The following NUMA1 variants were observed in gnomAD, a reference collection of about 807,000 sequenced individuals.
NUMA1 encodes nuclear mitotic apparatus protein 1.
A neutral mutation model predicts 237.1 loss-of-function variants in NUMA1; 62 were observed. That is an observed-to-expected ratio of 0.26 (90% confidence interval 0.21 to 0.32). The LOEUF (loss-of-function observed/expected upper bound fraction) is 0.32, where lower values mean the gene tolerates loss of function less well. NUMA1 is among the 10% of genes least tolerant of loss of function. The pLI is 1.00. For synonymous variants in NUMA1, 1,028 were observed against 1,066.1 expected, an observed-to-expected ratio of 0.96 and a Z score of 0.70; for missense variants, 2,533 against 2,666.5, an observed-to-expected ratio of 0.95 and a Z score of 1.10.
intron 2 of NUMA1, among the ~76,000 whole-genome samples, chr11:72,045,368 T>C (rs919340557): frequency 2.0e-5 from 3 of 152,192 alleles, no homozygotes; most frequent in Admixed American, 2.0e-4. Context: ...TAGCAATCAC[T>C]ATTAGTAGAA....
chr11:72,066,516 TC>T (rs1591076472), intron 2 of NUMA1: 1 of 152,290 alleles, frequency 6.6e-6, no homozygotes, highest in East Asian at 1.9e-4. Context: ...AGGCACATTT[TC>T]CCCATACATG....
intron 2 of NUMA1, among the ~76,000 whole-genome samples, chr11:72,043,458 G>T (rs762448523): frequency 6.7e-6 from 1 of 148,288 alleles, no homozygotes; most frequent in Non-Finnish European, 1.5e-5. Flanking sequence ...AAACTTCTGG[G>T]ATCAAGTGAT....
intron 2 of NUMA1, among the ~76,000 whole-genome samples, chr11:72,040,262 AC>A (rs1284247854): frequency 1.3e-5 from 2 of 152,140 alleles, no homozygotes; most frequent in Non-Finnish European, 2.9e-5. Flanking sequence ...CTGGAGAGGA[AC>A]AAGGGAGGGA....
intron 1 of NUMA1, among the ~76,000 whole-genome samples, chr11:72,071,263 C>A (rs1351341641): frequency 6.6e-6 from 1 of 151,436 alleles, no homozygotes; most frequent in Non-Finnish European, 1.5e-5. Flanking sequence ...ATAGATTAGA[C>A]AACACAAATA....
intron 1 of NUMA1, chr11:72,072,420 C>T (rs1173619537): frequency 6.5e-6 from 1 of 154,348 alleles, no homozygotes; most frequent in Non-Finnish European, 1.5e-5. Flanking sequence ...CCAGATAAAC[C>T]AGTCCTCAGC....
intron 20 of NUMA1, chr11:72,008,247 C>A: frequency 2.5e-6 from 1 of 394,232 alleles, no homozygotes; most frequent in South Asian, 2.0e-5. Context: ...GCAAATTAAC[C>A]ATGTACTCTT....
At chr11:72,021,130 T>C in intron 8 of NUMA1, 74 bp downstream of exon 8, 1 of 1,239,330 alleles carries the variant, frequency 8.1e-7, no homozygotes, top group Non-Finnish European at 1.2e-6. Context: ...ACCCCCACCA[T>C]ACTTGACAAC....
intron 4 of NUMA1, among the ~76,000 whole-genome samples, chr11:72,025,292 T>C (rs890058901): frequency 3.3e-5 from 5 of 151,574 alleles, no homozygotes; most frequent in Admixed American, 2.0e-4. Context: ...CAGGGGGAGC[T>C]CTCACACAGC....
At position 72,017,790 on chromosome 11, in the gene NUMA1, T is replaced by C; in HGVS notation, c.1016A>G (p.Asp339Gly). ...CTCCTCCGTCAGCTCATTGAGGGCA[T>C]CCTGTAGCTGCTGCAGATGACTGGC... ...EFASHLQQLQ[D>G]ALNELTEEHS... Residue 339 changes from aspartate to glycine, a missense_variant, in exon 13 of 27, where the codon GAT (aspartate) becomes GGT (glycine). Physicochemically the swap from Asp to Gly is moderately conservative, Grantham distance 94. Coordinates refer to ENST00000393695, the MANE Select transcript of NUMA1 (RefSeq NM_006185.4). 1.2e-6 allele frequency: 2 copies of C among 1,610,242 alleles called. No individual in the cohort carries two copies. The highest frequency in any genetic ancestry group is 1.1e-5 in the South Asian group (1 of 91,048).
At chr11:72,060,037 C>A (rs1942857647) in intron 2 of NUMA1, among the ~76,000 whole-genome samples, 1 of 152,120 alleles carries the variant, frequency 6.6e-6, no homozygotes. Context: ...TGATTTTAAA[C>A]ATGAGGGTTC....
At chr11:72,045,297 C>T (rs1941934587) in intron 2 of NUMA1, among the ~76,000 whole-genome samples, 1 of 151,938 alleles carries the variant, frequency 6.6e-6, no homozygotes, top group African/African-American at 2.4e-5. Context: ...GGCTCCCCAT[C>T]ACCTGCTGCT....
At chr11:72,021,882 G>A (rs1302076605) in intron 7 of NUMA1, among the ~76,000 whole-genome samples, 1 of 152,134 alleles carries the variant, frequency 6.6e-6, no homozygotes, top group Admixed American at 6.5e-5. Context: ...CCAAAGTGCT[G>A]GGACTATAGG....
Position 72,007,247 on chromosome 11 carries a change from C to G in NUMA1, c.5405G>C (p.Arg1802Pro). 2 of 1,612,726 alleles carry G rather than the reference C, an allele frequency of 1.2e-6. No individual in the cohort carries two copies. Among genetic ancestry groups the G allele is most frequent in the Non-Finnish European group, 1.7e-6 (2 of 1,179,750 alleles). ...GCGCCGACGAGCGGAGCGGGTCTTACGACCCGAGTCCAGGAAGACGTCTCC... is the reference window on the plus strand; with the variant it reads ...GCGCCGACGAGCGGAGCGGGTCTTAGGACCCGAGTCCAGGAAGACGTCTCC... ...SLGDVFLDSG[R>P]KTRSARRRTT... The change falls in exon 21 of 27, where the codon CGT becomes CCT. Residue 1802 changes from arginine (R) to proline (P), a missense_variant. Transcript: ENST00000393695.
At chr11:72,055,655 T>G (rs1376352861) in intron 2 of NUMA1, among the ~76,000 whole-genome samples, 1 of 152,130 alleles carries the variant, frequency 6.6e-6, no homozygotes, top group East Asian at 1.9e-4. Context: ...CTTTGTGTAC[T>G]TTTCTGTATA....
chr11:72,049,976 G>A (rs375776506), intron 2 of NUMA1, among the ~76,000 whole-genome samples: 1 of 152,038 alleles, frequency 6.6e-6, no homozygotes, highest in Admixed American at 6.6e-5. Flanking sequence ...AAAAAAAATA[G>A]CAAATCTCCT....
At chr11:72,034,534 C>T (rs1940772788) in intron 3 of NUMA1, among the ~76,000 whole-genome samples, 1 of 151,876 alleles carries the variant, frequency 6.6e-6, no homozygotes, top group African/African-American at 2.4e-5. Context: ...TGGTGAAACC[C>T]GTCTCTACTA....
At chr11:72,070,649 A>C (rs898909097) in intron 1 of NUMA1, among the ~76,000 whole-genome samples, 1 of 152,206 alleles carries the variant, frequency 6.6e-6, no homozygotes, top group African/African-American at 2.4e-5. Context: ...CTCTACAAAA[A>C]TACAAAAAAT....
chr11:72,059,321 G>A (rs1056317907), intron 2 of NUMA1, among the ~76,000 whole-genome samples: 3 of 152,114 alleles, frequency 2.0e-5, no homozygotes, highest in African/African-American at 7.2e-5. Flanking sequence ...CTGTCACCCA[G>A]GCTGGAGTGC....
chr11:72,004,854 G>C, intron 23 of NUMA1, 38 bp from the exon 24 acceptor site: 1 of 1,518,878 alleles, frequency 6.6e-7, no homozygotes, highest in Non-Finnish European at 8.8e-7. Context: ...GACCATAGCT[G>C]TATGGAGATG....
Sources: allele counts gnomAD v4.1 joint callset (sites outside exome capture counted in the v4.1 genomes callset), GRCh38; gene constraint gnomAD v4.1.1; transcripts MANE v1.5; gene names NCBI Gene and HGNC (gene_info 2026-07-23, HGNC 2026-07-21).